FBXO25: variants seen among roughly 807,000 people sequenced by gnomAD.
FBXO25 encodes F-box protein 25, also known as F-box only protein 25.
FBXO25 carries 45 observed loss-of-function variants against 51.9 expected under a neutral mutation model. The ratio of observed to expected loss-of-function variants is 0.87; its 90% CI spans 0.68 to 1.11. The LOEUF is 1.11. Among genes scored for constraint, FBXO25 ranks in the 50% most tolerant of loss-of-function variants. FBXO25 has a pLI of 0.00. For missense variants in FBXO25, 507 were observed against 428.5 expected, an observed-to-expected ratio of 1.18 and a Z score of -1.62; for synonymous variants, 199 against 151.0, an observed-to-expected ratio of 1.32 and a Z score of -2.33.
intron 2 of FBXO25, among the ~76,000 whole-genome samples, chr8:425,513 T>C (rs1797419051): frequency 6.6e-6 from 1 of 151,918 alleles, no homozygotes; most frequent in Non-Finnish European, 1.5e-5. Flanking sequence ...TACTTAATAA[T>C]ATCTGCTTTT....
At chr8:413,342 C>G (rs868329929) in intron 2 of FBXO25, 129 bp downstream of exon 2, 18 of 1,340,194 alleles carry the variant, frequency 1.3e-5, no homozygotes, top group Middle Eastern at 2.0e-4. Context: ...TGTGAAGAGA[C>G]AAGTTGTTTA....
At chr8:425,962 C>T (rs1237619992) in intron 2 of FBXO25, among the ~76,000 whole-genome samples, 2 of 151,628 alleles carry the variant, frequency 1.3e-5, no homozygotes, top group South Asian at 2.1e-4. Context: ...TGGTTGGCTC[C>T]CCACAGTACC....
chr8:472,953 C>T lies in FBXO25; in HGVS notation c.*4149C>T, dbSNP rs998391986. The T allele has an allele frequency of 2.0e-5, 3 of 152,268 alleles. No homozygotes were observed. The highest frequency in any genetic ancestry group is 2.1e-4 in the South Asian group (1 of 4,836). 9.4% of individuals were successfully genotyped at this position (152,268 alleles called of 1,614,324 possible). ...TGGACACCACTCACCTCCCTTTAGT[C>T]CCTATCAAATGCTACCCAATGGCAA... On this transcript the variant is annotated 3_prime_UTR_variant, in exon 10 of 10. Coordinates refer to ENST00000350302, the MANE Select transcript of FBXO25 (RefSeq NM_183420.2).
chr8:426,072 T>C (rs941932649), intron 2 of FBXO25, among the ~76,000 whole-genome samples: 1 of 152,188 alleles, frequency 6.6e-6, no homozygotes, highest in Non-Finnish European at 1.5e-5. Context: ...TTTGTCTGCA[T>C]TGTGCACGCT....
chr8:447,172 G>T (rs1585067300), intron 5 of FBXO25, among the ~76,000 whole-genome samples: 1 of 152,164 alleles, frequency 6.6e-6, no homozygotes, highest in Non-Finnish European at 1.5e-5. Flanking sequence ...AGAAGTTCCA[G>T]GGAGGACCAC....
At position 471,681 on chromosome 8, in the gene FBXO25, C is replaced by G. The variant is rs1277795988; in HGVS notation, c.*2877C>G. The G allele has an allele frequency of 6.6e-6, 1 of 152,214 alleles. No homozygotes were observed. Among genetic ancestry groups the G allele is most frequent in the Non-Finnish European group, 1.5e-5 (1 of 68,042 alleles). The allele number at this position is 152,214 out of a possible 1,614,324, so 9.4% of individuals were successfully genotyped here. ...GTCTCTTGACACCCAGTTACAACTTCCTTTTGCCTATTTTGAGTCAAAAAG... is the reference window on the plus strand; with the variant it reads ...GTCTCTTGACACCCAGTTACAACTTGCTTTTGCCTATTTTGAGTCAAAAAG... On this transcript the variant is annotated 3_prime_UTR_variant, in exon 10 of 10. Coordinates refer to ENST00000350302, the MANE Select transcript of FBXO25 (RefSeq NM_183420.2).
Position 414,819 on chromosome 8 carries a change from G to C in FBXO25, c.134+1606G>C, listed in dbSNP as rs1166905976. Among the ~76,000 whole-genome samples, 6 of 152,276 alleles carry C rather than the reference G, an allele frequency of 3.9e-5. No individual in the cohort carries two copies. The South Asian group carries it at 6.2e-4, about 16-fold the overall frequency. ...TGTAGGGCACAGTGAGCGAGAACTAGTCAGCACCACCTTTTACCCCACCTA... is the reference window on the plus strand; with the variant it reads ...TGTAGGGCACAGTGAGCGAGAACTACTCAGCACCACCTTTTACCCCACCTA... On this transcript the variant is annotated intron_variant, in intron 2 of 9. Coordinates refer to ENST00000350302, the MANE Select transcript of FBXO25 (RefSeq NM_183420.2).
intron 1 of FBXO25, among the ~76,000 whole-genome samples, chr8:407,739 T>G (rs892189624): frequency 7.9e-5 from 12 of 152,114 alleles, no homozygotes; most frequent in South Asian, 2.1e-4. Context: ...GCTGCTTACC[T>G]TTTTTTCCCT....
In FBXO25 at chr8:471,153, C is replaced by T. The variant is rs1425149708; in HGVS notation, c.*2349C>T. On this transcript the variant is annotated 3_prime_UTR_variant, in exon 10 of 10. Coordinates refer to ENST00000350302, the MANE Select transcript of FBXO25 (RefSeq NM_183420.2). ...GTTCTGCTGGGCTGGCATATTTCCA[C>T]AGGCCATGGACACAGCTAGCCGCAT... The T allele has an allele frequency of 2.6e-5, 4 of 152,202 alleles. No homozygotes were observed. The highest frequency in any genetic ancestry group is 2.0e-4 in the Admixed American group (3 of 15,284). The allele number at this position is 152,202 out of a possible 1,614,324, so 9.4% of individuals were successfully genotyped here.
chr8:445,887 A>G (rs1263200258), intron 5 of FBXO25, among the ~76,000 whole-genome samples: 1 of 152,190 alleles, frequency 6.6e-6, no homozygotes, highest in African/African-American at 2.4e-5. Context: ...ACAAAACAAA[A>G]AAACAGTAAG....
chr8:458,193 C>T (rs556975543), intron 7 of FBXO25, among the ~76,000 whole-genome samples, 176 bp from the exon 8 acceptor site: 1 of 152,230 alleles, frequency 6.6e-6, no homozygotes, highest in South Asian at 2.1e-4. Flanking sequence ...CTCTCCTCCT[C>T]CAGCCTTCCC....
intron 5 of FBXO25, among the ~76,000 whole-genome samples, chr8:436,589 G>T (rs148466542): frequency 2.0e-5 from 3 of 152,286 alleles, no homozygotes; most frequent in African/African-American, 7.2e-5. Context: ...CCACATGCAG[G>T]CTGGACTTCC....
chr8:428,566 A>G (rs1321142717), intron 2 of FBXO25, among the ~76,000 whole-genome samples: 5 of 152,162 alleles, frequency 3.3e-5, no homozygotes, highest in Admixed American at 1.3e-4. Context: ...TTGCCATCCT[A>G]ACCATTTTTA....
At chr8:461,561 C>A (rs528629815) in intron 8 of FBXO25, among the ~76,000 whole-genome samples, 10 of 152,174 alleles carry the variant, frequency 6.6e-5, no homozygotes, top group African/African-American at 2.4e-4. Context: ...GTCCCTCCCA[C>A]GGCACATGGG....
rs1291701630 is a variant in FBXO25, at chr8:471,738, C to G, written c.*2934C>G. 6.6e-6 allele frequency: 1 copy of G among 152,202 alleles called. No individual in the cohort carries two copies. The highest frequency in any genetic ancestry group is 3.2e-3 in the Middle Eastern group (1 of 316). 9.4% of individuals were successfully genotyped at this position (152,202 alleles called of 1,614,324 possible). A position where few individuals can be genotyped will look rare whatever the true frequency, so the allele number is the denominator to read the frequency against. Reference sequence around the variant, plus strand: ...TCCTCACCTAATTTATGAATACACACAAATTGGAAAGCCATGCAGTAGCCT... The same window carrying G: ...TCCTCACCTAATTTATGAATACACAGAAATTGGAAAGCCATGCAGTAGCCT... On this transcript the variant is annotated 3_prime_UTR_variant, in exon 10 of 10. Transcript: ENST00000350302.
chr8:416,083 ATT>A (rs1249523465), intron 2 of FBXO25, among the ~76,000 whole-genome samples: 1 of 151,978 alleles, frequency 6.6e-6, no homozygotes, highest in Non-Finnish European at 1.5e-5. Context: ...CCACTCATTT[ATT>A]TGCTTTTTTC....
At position 475,065 on chromosome 8, in the gene FBXO25, C is replaced by T. The variant is rs971256820; in HGVS notation, c.*6261C>T. The stretch of plus-strand genomic sequence containing the variant: ...AAATCCAATGTTGTTAAAAGTTTCC[C>T]TTATGTTTCTCCTAAATGTTTTAGT... On this transcript the variant is annotated 3_prime_UTR_variant, in exon 10 of 10. Transcript: ENST00000350302. 1 of 384,370 alleles carries T rather than the reference C, an allele frequency of 2.6e-6. No homozygotes were observed. Among genetic ancestry groups the T allele is most frequent in the Non-Finnish European group, 5.0e-6 (1 of 199,528 alleles). 23.8% of individuals were successfully genotyped at this position (384,370 alleles called of 1,614,324 possible).
chr8:411,978 G>GT (rs1225756085), intron 1 of FBXO25, among the ~76,000 whole-genome samples: 2 of 152,184 alleles, frequency 1.3e-5, no homozygotes, highest in East Asian at 3.8e-4. Flanking sequence ...GCACTTGAAT[G>GT]TTTAAAAAGC....
chr8:458,371 A>C lies in FBXO25; in HGVS notation c.663A>C (p.Gln221His). 6.2e-7 allele frequency: 1 copy of C among 1,612,756 alleles called. No individual in the cohort carries two copies. ...QQLQDLQMTKQVNNGLTLSDL... is the reference protein window; with the variant it reads ...QQLQDLQMTKHVNNGLTLSDL... Reference sequence around the variant, plus strand: ...TTGCTGTTGTGTTTTCCTTTCAGCAAGTGAACAATGGCCTCACCCTCAGTG... The same window carrying C: ...TTGCTGTTGTGTTTTCCTTTCAGCACGTGAACAATGGCCTCACCCTCAGTG... Residue 221 changes from glutamine to histidine, a missense_variant and splice_region_variant, in exon 8 of 10, where the codon CAA (glutamine) becomes CAC (histidine). Gln to His is a conservative substitution (Grantham distance 24). Coordinates refer to ENST00000350302, the MANE Select transcript of FBXO25 (RefSeq NM_183420.2).
Sources: gnomAD v4.1 joint callset for allele counts (sites outside exome capture counted in the v4.1 genomes callset) on GRCh38, gnomAD v4.1.1 for gene constraint, MANE v1.5 for transcripts, NCBI Gene and HGNC (gene_info 2026-07-23, HGNC 2026-07-21) for gene names.